Variants in PHACTR3 observed in about 807,000 individuals in gnomAD.
PHACTR3 encodes the protein protein phosphatase 1, regulatory subunit 123.
PHACTR3 carries 16 observed loss-of-function variants against 66.8 expected under a neutral mutation model. The observed-to-expected ratio is 0.24, with a 90% CI of 0.16 to 0.36. The LOEUF is 0.36. PHACTR3 is among the 10% of genes least tolerant of loss of function. The pLI, the probability that PHACTR3 is intolerant of heterozygous loss-of-function variation, is 1.00. For synonymous variants in PHACTR3, 323 were observed against 292.1 expected, an observed-to-expected ratio of 1.11 and a Z score of -1.08; for missense variants, 647 against 719.9, an observed-to-expected ratio of 0.90 and a Z score of 1.16.
At chr20:59,630,812 A>T (rs2034634048) in intron 1 of PHACTR3, among the ~76,000 whole-genome samples, 1 of 151,868 alleles carries the variant, frequency 6.6e-6, no homozygotes, top group Non-Finnish European at 1.5e-5. Flanking sequence ...GGAGGGGGAC[A>T]TGAGAAATGT....
chr20:59,580,586 A>C (rs1321513633), intron 1 of PHACTR3, among the ~76,000 whole-genome samples: 3 of 151,884 alleles, frequency 2.0e-5, no homozygotes, highest in Non-Finnish European at 2.9e-5. Flanking sequence ...TTTCCTTTAA[A>C]ATTTTTGTTT....
At chr20:59,760,863 G>A (rs887599083) in intron 4 of PHACTR3, among the ~76,000 whole-genome samples, 3 of 152,074 alleles carry the variant, frequency 2.0e-5, no homozygotes, top group Non-Finnish European at 4.4e-5. Context: ...AAAGGAGAGT[G>A]ACACTCAGGG....
chr20:59,822,728 C>T (rs1258432967), intron 8 of PHACTR3, among the ~76,000 whole-genome samples: 2 of 152,188 alleles, frequency 1.3e-5, no homozygotes, highest in South Asian at 2.1e-4. Flanking sequence ...GGGCACCTAC[C>T]GTGTGGCTCG....
At chr20:59,651,378 T>A (rs1411606437) in intron 1 of PHACTR3, among the ~76,000 whole-genome samples, 1 of 152,244 alleles carries the variant, frequency 6.6e-6, no homozygotes, top group Non-Finnish European at 1.5e-5. Flanking sequence ...CAAAATGGCC[T>A]GCCAGTGTCT....
At chr20:59,769,573 A>G (rs529166032) in intron 5 of PHACTR3, among the ~76,000 whole-genome samples, 32 of 152,334 alleles carry the variant, frequency 2.1e-4, no homozygotes, top group Middle Eastern at 3.4e-3. Flanking sequence ...GGGCTGCCCA[A>G]GGAGCCATAC....
Position 59,847,593 on chromosome 20 carries a change from A to T in PHACTR3, c.*463A>T, listed in dbSNP as rs2059174795. The T allele has an allele frequency of 6.5e-6, 1 of 153,710 alleles. No homozygotes were observed. Among genetic ancestry groups the T allele is most frequent in the Non-Finnish European group, 1.5e-5 (1 of 68,794 alleles). 9.5% of individuals were successfully genotyped at this position (153,710 alleles called of 1,614,324 possible). A position where few individuals can be genotyped will look rare whatever the true frequency, so the allele number is the denominator to read the frequency against. On this transcript the variant is annotated 3_prime_UTR_variant, in exon 13 of 13. Coordinates refer to ENST00000371015, the MANE Select transcript of PHACTR3 (RefSeq NM_080672.5). ...CTTTAAGTTCATGTTATACAAGATG[A>T]TTTACTGTATTATACTTTTCCTTTT...
chr20:59,594,488 A>G (rs2033270548), intron 1 of PHACTR3, among the ~76,000 whole-genome samples: 1 of 152,224 alleles, frequency 6.6e-6, no homozygotes, highest in Non-Finnish European at 1.5e-5. Flanking sequence ...CAGACACACA[A>G]TGTTGAAAAC....
intron 7 of PHACTR3, among the ~76,000 whole-genome samples, chr20:59,777,294 A>G (rs894730428): frequency 2.0e-5 from 3 of 152,214 alleles, no homozygotes; most frequent in African/African-American, 7.2e-5. Context: ...ATTTCCAAAT[A>G]AGGTCACTTT....
intron 7 of PHACTR3, among the ~76,000 whole-genome samples, chr20:59,780,596 T>C (rs1006671504): frequency 3.4e-4 from 52 of 152,168 alleles, no homozygotes; most frequent in African/African-American, 1.2e-3. Flanking sequence ...CCGAATACCA[T>C]CACATTGGGG....
At position 59,829,002 on chromosome 20, in the gene PHACTR3, C is replaced by T. The variant is rs2042270725; in HGVS notation, c.1329-7503C>T. On this transcript the variant is annotated intron_variant, in intron 8 of 12. Coordinates refer to ENST00000371015, the MANE Select transcript of PHACTR3 (RefSeq NM_080672.5). This position sits in a 1 kb window ranked among gnomAD's most constrained non-coding sequence, Gnocchi z 4.2. Reference sequence around the variant, plus strand: ...CAGAACCCAGCAGACTTGGAGCTTCCTGGGGTGTTGGACGTAGGGAGTAAG... The same window carrying T: ...CAGAACCCAGCAGACTTGGAGCTTCTTGGGGTGTTGGACGTAGGGAGTAAG... Among the ~76,000 whole-genome samples the T allele has an allele frequency of 1.3e-5, 2 of 151,938 alleles. No homozygotes were observed.
At chr20:59,800,373 G>A (rs2041375328) in intron 7 of PHACTR3, among the ~76,000 whole-genome samples, 1 of 151,926 alleles carries the variant, frequency 6.6e-6, no homozygotes, top group Non-Finnish European at 1.5e-5. Context: ...GCTTTTTTAT[G>A]TCCAAGAAGG....
At chr20:59,672,868 G>A (rs1801824888) in intron 1 of PHACTR3, among the ~76,000 whole-genome samples, 2 of 152,224 alleles carry the variant, frequency 1.3e-5, no homozygotes, top group Admixed American at 1.3e-4. Context: ...GGTGGCTCCT[G>A]TGGAGGTGGG....
At chr20:59,723,054 T>TTC (rs1366636086) in intron 1 of PHACTR3, among the ~76,000 whole-genome samples, 53 of 142,512 alleles carry the variant, frequency 3.7e-4, no homozygotes, top group Admixed American at 2.1e-3. Context: ...TTTTCTTTCT[T>TTC]TCTTTCTCTT....
intron 5 of PHACTR3, among the ~76,000 whole-genome samples, chr20:59,772,979 G>A (rs1016232504): frequency 1.3e-5 from 2 of 152,174 alleles, no homozygotes; most frequent in African/African-American, 4.8e-5. Context: ...ATTCATAGCA[G>A]AGAAGCAGGA....
intron 1 of PHACTR3, among the ~76,000 whole-genome samples, chr20:59,589,843 G>A (rs1246504397): frequency 2.0e-5 from 3 of 152,250 alleles, no homozygotes; most frequent in African/African-American, 7.2e-5. Flanking sequence ...TTCTAGAAGA[G>A]GGTATGGATT....
chr20:59,583,157 T>A (rs1413765102), intron 1 of PHACTR3, among the ~76,000 whole-genome samples: 1 of 152,216 alleles, frequency 6.6e-6, no homozygotes, highest in East Asian at 1.9e-4. Context: ...TTATTTTTCT[T>A]ATCTACTATA....
At chr20:59,611,314 T>A (rs2033836687) in intron 1 of PHACTR3, among the ~76,000 whole-genome samples, 1 of 152,244 alleles carries the variant, frequency 6.6e-6, no homozygotes, top group African/African-American at 2.4e-5. Flanking sequence ...CTTGAGGTAA[T>A]TCCATCTTCT....
intron 1 of PHACTR3, among the ~76,000 whole-genome samples, chr20:59,699,075 T>G (rs1424845181): frequency 6.6e-6 from 1 of 152,200 alleles, no homozygotes; most frequent in Non-Finnish European, 1.5e-5. Flanking sequence ...GGAGTGTTGT[T>G]GCTTCTTACT....
chr20:59,787,909 A>G (rs970224214), intron 7 of PHACTR3, among the ~76,000 whole-genome samples: 2 of 152,178 alleles, frequency 1.3e-5, no homozygotes, highest in African/African-American at 2.4e-5. Flanking sequence ...TCTGTAGTGA[A>G]CATGCAACAC....
Sources: gnomAD v4.1 joint callset for allele counts (sites outside exome capture counted in the v4.1 genomes callset) on GRCh38, gnomAD v4.1.1 for gene constraint, Gnocchi (gnomAD v3.1) non-coding constraint, MANE v1.5 for transcripts, NCBI Gene and HGNC (gene_info 2026-07-23, HGNC 2026-07-21) for gene names.